The following PFKP variants were observed in gnomAD, a reference collection of about 807,000 sequenced individuals.
PFKP encodes the protein ATP-dependent 6-phosphofructokinase, platelet type.
PFKP carries 101 observed loss-of-function variants against 94.3 expected under a neutral mutation model. The ratio of observed to expected loss-of-function variants is 1.07; its 90% CI spans 0.91 to 1.26. PFKP has a LOEUF of 1.26. Ranked by LOEUF, PFKP falls within the 50% of genes most tolerant of loss-of-function variation. The pLI, the probability that PFKP is intolerant of heterozygous loss-of-function variation, is 0.00. For synonymous variants in PFKP, 573 were observed against 432.6 expected (o/e 1.32, Z -4.03); for missense variants, 1,145 against 1,103.3 (o/e 1.04, Z -0.53).
intron 9 of PFKP, among the ~76,000 whole-genome samples, 193 bp from the exon 10 acceptor site, chr10:3,109,162 C>T (rs1835912677): frequency 6.6e-6 from 1 of 152,196 alleles, no homozygotes; most frequent in Non-Finnish European, 1.5e-5. Context: ...CTCCATGTGC[C>T]CTGACCTCCT....
At chr10:3,069,152 C>A (rs1199853360) in intron 1 of PFKP, 27 of 958,076 alleles carry the variant, frequency 2.8e-5, no homozygotes, top group African/African-American at 5.2e-5. Context: ...CAGCGCCCCC[C>A]GCGGGAGACC....
chr10:3,114,041 A>ATGCCAACT (rs1836539740), intron 13 of PFKP, among the ~76,000 whole-genome samples: 1 of 151,896 alleles, frequency 6.6e-6, no homozygotes, highest in Non-Finnish European at 1.5e-5. Context: ...ACCGAGGCAT[A>ATGCCAACT]GGGCTGGGTG....
rs776395047 is a variant in PFKP, at chr10:3,120,052, C to T, written c.1683+8C>T. On this transcript the variant is annotated splice_region_variant and intron_variant, in intron 16 of 21. Coordinates refer to ENST00000381125, the MANE Select transcript of PFKP (RefSeq NM_002627.5). ...CTGAACACTATCACCGACGTAAGTC[C>T]GTGTGCGCCCTGCCAGGCGGGCGCC... is the stretch of plus-strand genomic sequence containing the variant. 45 of 1,613,224 alleles carry T rather than the reference C, an allele frequency of 2.8e-5. No individual in the cohort carries two copies. Among genetic ancestry groups the T allele is most frequent in the Admixed American group, 5.0e-5 (3 of 60,024 alleles).
At chr10:3,115,276 T>C (rs1836672022) in intron 13 of PFKP, among the ~76,000 whole-genome samples, 1 of 151,456 alleles carries the variant, frequency 6.6e-6, no homozygotes, top group South Asian at 2.1e-4. Flanking sequence ...AAAGTGTGTG[T>C]CCCACGGCGG....
intron 16 of PFKP, among the ~76,000 whole-genome samples, chr10:3,122,882 GGCTGGAGACAAGGGAC>G (rs1837567695): frequency 6.6e-6 from 1 of 152,216 alleles, no homozygotes. Flanking sequence ...CAGCATCTGG[GGCTGGAGACAAGGGAC>G]GCTGCGGAAC....
chr10:3,111,732 A>G (rs1198134218), intron 10 of PFKP, among the ~76,000 whole-genome samples: 1 of 152,114 alleles, frequency 6.6e-6, no homozygotes. Flanking sequence ...CATCAGTCCC[A>G]GCCCCGTGTC....
chr10:3,134,667 A>G, intron 20 of PFKP, 85 bp downstream of exon 20: 1 of 848,274 alleles, frequency 1.2e-6, no homozygotes, highest in African/African-American at 1.7e-5. Context: ...GGGGAGAAGT[A>G]GGGTGCTGGT....
intron 2 of PFKP, among the ~76,000 whole-genome samples, chr10:3,086,481 G>A (rs1286056952): frequency 2.6e-5 from 4 of 152,358 alleles, no homozygotes; most frequent in Non-Finnish European, 5.9e-5. Context: ...GTTTACCAGT[G>A]TTTGGAGGCA....
chr10:3,075,886 C>T lies in PFKP; in HGVS notation c.113-6502C>T, dbSNP rs1832535703. Among the ~76,000 whole-genome samples the T allele has an allele frequency of 2.4e-5, 3 of 124,386 alleles. No individual in the cohort carries two copies. The Admixed American group carries it at 2.9e-4, about 12-fold the overall frequency. 81.6% of individuals were successfully genotyped at this position (124,386 alleles called of 152,430 possible). On this transcript the variant is annotated intron_variant, in intron 1 of 21. Transcript: ENST00000381125. ...CACCAGTTCACTCCAGCCTGGGCAACAGAGTGAGACCCTATCGCAAAAAAA... is the reference window on the plus strand; with the variant it reads ...CACCAGTTCACTCCAGCCTGGGCAATAGAGTGAGACCCTATCGCAAAAAAA...
In PFKP at chr10:3,121,805, TTTTTTTTTTTTTTTTTTTTTTTTTTC is replaced by T. The variant is rs1162730175; in HGVS notation, c.1683+1769_1683+1794del. Among the ~76,000 whole-genome samples the T allele has an allele frequency of 1.0e-2, 270 of 27,058 alleles. 7 individuals are homozygous for T. The highest frequency in any genetic ancestry group is 0.016 in the Non-Finnish European group (193 of 12,382). The allele number at this position is 27,058 out of a possible 152,430, so 17.8% of individuals were successfully genotyped here. ...GGTTAAACAATTTCTTTTTTTTTCT[TTTTTTTTTTTTTTTTTTTTTTTTTTC>T]TTTTTTTGGAGACAGGGCCTCACTC... On this transcript the variant is annotated intron_variant, in intron 16 of 21. Coordinates refer to ENST00000381125, the MANE Select transcript of PFKP (RefSeq NM_002627.5).
intron 2 of PFKP, among the ~76,000 whole-genome samples, chr10:3,095,734 A>T (rs1834428265): frequency 6.6e-6 from 1 of 152,244 alleles, no homozygotes; most frequent in Non-Finnish European, 1.5e-5. Context: ...CTGAATTTCT[A>T]CGTTGTAGTA....
intron 19 of PFKP, 43 bp downstream of exon 19, chr10:3,133,357 G>A (rs1838824364): frequency 8.3e-7 from 1 of 1,204,784 alleles, no homozygotes; most frequent in East Asian, 2.3e-5. Flanking sequence ...CCCCTGTCAT[G>A]TGACTTTTAA....
intron 1 of PFKP, among the ~76,000 whole-genome samples, chr10:3,080,620 A>C (rs1215002147): frequency 6.6e-6 from 1 of 152,012 alleles, no homozygotes; most frequent in Non-Finnish European, 1.5e-5. Flanking sequence ...TGAAACTCGC[A>C]CAGCCCAACA....
At chr10:3,102,893 C>T (rs1342858017) in intron 4 of PFKP, among the ~76,000 whole-genome samples, 2 of 152,238 alleles carry the variant, frequency 1.3e-5, no homozygotes, top group Non-Finnish European at 2.9e-5. Flanking sequence ...TCCCGCTTGT[C>T]CACCTCATCC....
intron 21 of PFKP, 82 bp downstream of exon 21, chr10:3,135,920 C>A: frequency 1.2e-6 from 1 of 829,876 alleles, no homozygotes; most frequent in Non-Finnish European, 2.0e-6. Flanking sequence ...TTGCTGTCGG[C>A]AACTCATTCA....
rs1835468346 is a variant in PFKP, at chr10:3,105,644, C to G, written c.774+143C>G. The G allele has an allele frequency of 6.1e-6, 4 of 656,666 alleles. No individual in the cohort carries two copies. The East Asian group carries it at 1.1e-4, about 18-fold the overall frequency. 40.7% of individuals were successfully genotyped at this position (656,666 alleles called of 1,614,324 possible). On this transcript the variant is annotated intron_variant, in intron 7 of 21. Transcript: ENST00000381125. ...CACACTTTGTATTTCACTCTATGGACTGTGAGCGTGGGGCATGTTTTCCTC... is the reference window on the plus strand; with the variant it reads ...CACACTTTGTATTTCACTCTATGGAGTGTGAGCGTGGGGCATGTTTTCCTC...
Position 3,090,290 on chromosome 10 carries a change from C to T in PFKP, c.186+7829C>T, listed in dbSNP as rs369259222. 9.6e-4 allele frequency among the ~76,000 whole-genome samples: 146 copies of T among 152,322 alleles called. 1 individual carries two copies. Among genetic ancestry groups the T allele is most frequent in the African/African-American group, 3.2e-3 (135 of 41,566 alleles). On this transcript the variant is annotated intron_variant, in intron 2 of 21. Coordinates refer to ENST00000381125, the MANE Select transcript of PFKP (RefSeq NM_002627.5). ...GGTGAGCCATCGTGGGCCTGCAGGA[C>T]GTACTGCAGTGACTGTGGATGCATA...
At position 3,118,842 on chromosome 10, in the gene PFKP, C is replaced by G; in HGVS notation, c.1503C>G (p.Asn501Lys). 1 of 1,613,426 alleles carries G rather than the reference C, an allele frequency of 6.2e-7. No individual in the cohort carries two copies. The highest frequency in any genetic ancestry group is 8.5e-7 in the Non-Finnish European group (1 of 1,179,550). Residue 501 changes from asparagine (N) to lysine (K), a missense_variant, in exon 15 of 22, where the codon AAC becomes AAG. Asn to Lys is a moderately conservative substitution (Grantham distance 94, BLOSUM62 0). Coordinates refer to ENST00000381125, the MANE Select transcript of PFKP (RefSeq NM_002627.5). Reference sequence around the variant, plus strand: ...CACAGATGCGCACGCACAGCATCAACGCGCTGCTGATCATCGGTGGATTCG... The same window carrying G: ...CACAGATGCGCACGCACAGCATCAAGGCGCTGCTGATCATCGGTGGATTCG... ...IATQMRTHSINALLIIGGFEA... is the reference protein window; with the variant it reads ...IATQMRTHSIKALLIIGGFEA...
chr10:3,133,143 A>G, intron 18 of PFKP, 60 bp from the exon 19 acceptor site: 1 of 1,244,484 alleles, frequency 8.0e-7, no homozygotes, highest in Non-Finnish European at 1.2e-6. Flanking sequence ...CATCTCCCCA[A>G]GCAGGGAGCC....
Sources: allele counts gnomAD v4.1 joint callset (sites outside exome capture counted in the v4.1 genomes callset), GRCh38; gene constraint gnomAD v4.1.1; transcripts MANE v1.5; gene names NCBI Gene and HGNC (gene_info 2026-07-23, HGNC 2026-07-21).